Variants in RBM20 observed in about 807,000 individuals in gnomAD.
RBM20 encodes the protein RNA binding motif protein 20.
In RBM20, 51 loss-of-function variants were observed where a neutral mutation model predicts 110.1. The ratio of observed to expected loss-of-function variants is 0.46; its 90% CI spans 0.37 to 0.59. RBM20 has a LOEUF of 0.59. Ranked by LOEUF, RBM20 falls within the 20% of genes least tolerant of loss-of-function variation. The pLI, the probability that RBM20 is intolerant of heterozygous loss-of-function variation, is 0.00. For synonymous variants in RBM20, 589 were observed against 618.2 expected (o/e 0.95, Z 0.70); for missense variants, 1,512 against 1,574.9 (o/e 0.96, Z 0.68).
intron 7 of RBM20, among the ~76,000 whole-genome samples, chr10:110,800,717 A>G (rs758212643): frequency 1.1e-4 from 17 of 152,142 alleles, no homozygotes; most frequent in Non-Finnish European, 2.9e-5. Flanking sequence ...TTATAGTTCT[A>G]TCACCTGTAT....
At chr10:110,774,949 C>T (rs1844241965) in intron 1 of RBM20, among the ~76,000 whole-genome samples, 1 of 152,062 alleles carries the variant, frequency 6.6e-6, no homozygotes, top group Admixed American at 6.5e-5. Flanking sequence ...AAAAGAAATT[C>T]CCACCAAAAT....
chr10:110,665,248 T>G (rs1422899223), intron 1 of RBM20, among the ~76,000 whole-genome samples: 2 of 152,148 alleles, frequency 1.3e-5, no homozygotes, highest in Non-Finnish European at 2.9e-5. Flanking sequence ...CAACCCCTGG[T>G]GAATAATGAG....
intron 1 of RBM20, among the ~76,000 whole-genome samples, chr10:110,764,321 A>G (rs1465079574): frequency 6.6e-6 from 1 of 152,190 alleles, no homozygotes; most frequent in Admixed American, 6.5e-5. Flanking sequence ...CACAGCAGCA[A>G]CAACAAAAAA....
chr10:110,830,862 G>A (rs936367858), intron 12 of RBM20, among the ~76,000 whole-genome samples, 199 bp from the exon 13 acceptor site: 1 of 152,166 alleles, frequency 6.6e-6, no homozygotes, highest in African/African-American at 2.4e-5. Flanking sequence ...ACCTGTGAAT[G>A]AAGTGGGTGT....
chr10:110,787,820 A>G (rs1054313179), intron 5 of RBM20, among the ~76,000 whole-genome samples: 1 of 150,524 alleles, frequency 6.6e-6, no homozygotes, highest in African/African-American at 2.4e-5. Flanking sequence ...GCGAGGAGCT[A>G]GGAGGGGACA....
chr10:110,770,270 CT>C (rs1482964892), intron 1 of RBM20, among the ~76,000 whole-genome samples: 1 of 152,150 alleles, frequency 6.6e-6, no homozygotes, highest in African/African-American at 2.4e-5. Flanking sequence ...GTTATTTCAC[CT>C]TGTCAGAAAC....
rs60697105 is a variant in RBM20, at chr10:110,809,218, T to TAAAAAAAAAAAAAAAAAA, written c.1801-1151_1801-1150insAAAAAAAAAAAAAAAAAA. Among the ~76,000 whole-genome samples, 102 of 60,642 alleles carry TAAAAAAAAAAAAAAAAAA rather than the reference T, an allele frequency of 1.7e-3. 6 individuals carry two copies. Among genetic ancestry groups the TAAAAAAAAAAAAAAAAAA allele is most frequent in the East Asian group, 4.0e-3 (5 of 1,244 alleles). 39.8% of individuals were successfully genotyped at this position (60,642 alleles called of 152,430 possible). ...AGTGACAGAGCAAGACCCCGTTTCT[T>TAAAAAAAAAAAAAAAAAA]AAAAAAAAAAAAAATTGCATGATTC... On this transcript the variant is annotated intron_variant, in intron 7 of 13. Coordinates refer to ENST00000369519, the MANE Select transcript of RBM20 (RefSeq NM_001134363.3).
In RBM20 at chr10:110,811,948, C is replaced by T. The variant is rs552342484; in HGVS notation, c.1881-330C>T. Reference sequence around the variant, plus strand: ...ACCCCCAGGAGGAGAGTCAGAGGTCCGCTCCCTGAGCATAGCTCCCTTCCA... The same window carrying T: ...ACCCCCAGGAGGAGAGTCAGAGGTCTGCTCCCTGAGCATAGCTCCCTTCCA... On this transcript the variant is annotated intron_variant, in intron 8 of 13. Transcript: ENST00000369519. Among the ~76,000 whole-genome samples, 26 of 152,318 alleles carry T rather than the reference C, an allele frequency of 1.7e-4. No homozygotes were observed. The East Asian group carries it at 1.9e-3, about 11-fold the overall frequency.
chr10:110,695,509 G>A (rs1862650234), intron 1 of RBM20, among the ~76,000 whole-genome samples: 1 of 152,220 alleles, frequency 6.6e-6, no homozygotes, highest in Non-Finnish European at 1.5e-5. Flanking sequence ...GACTCCAGGG[G>A]AAATGTGTCC....
At chr10:110,823,288 GGA>G (rs2135124993) in intron 11 of RBM20, among the ~76,000 whole-genome samples, 190 bp from the exon 12 acceptor site, 1 of 152,154 alleles carries the variant, frequency 6.6e-6, no homozygotes, top group Non-Finnish European at 1.5e-5. Context: ...TTTTGGCAGT[GGA>G]AAAAGCTCCT....
At chr10:110,693,429 A>G (rs1282810254) in intron 1 of RBM20, among the ~76,000 whole-genome samples, 1 of 152,164 alleles carries the variant, frequency 6.6e-6, no homozygotes, top group Non-Finnish European at 1.5e-5. Flanking sequence ...TTACTGATTC[A>G]ATCTCCTTAT....
At chr10:110,694,486 G>A (rs1230504750) in intron 1 of RBM20, among the ~76,000 whole-genome samples, 2 of 152,108 alleles carry the variant, frequency 1.3e-5, no homozygotes, top group African/African-American at 2.4e-5. Context: ...GCATGGCCTT[G>A]GAAACCTTCC....
At chr10:110,661,278 G>A (rs940990141) in intron 1 of RBM20, among the ~76,000 whole-genome samples, 3 of 152,168 alleles carry the variant, frequency 2.0e-5, no homozygotes, top group Admixed American at 2.0e-4. Context: ...CTGCTCCTGT[G>A]GGGTTCTTGG....
rs765544509 is a variant in RBM20 at position 110,812,759 on chromosome 10, G to A, written c.2362G>A (p.Ala788Thr). Reference protein sequence around the residue: ...APGRSRRKDEARLRESRHPHP... With the variant: ...APGRSRRKDETRLRESRHPHP... ...CGGGAGGTCCAGGAGGAAAGACGAG[G>A]CCAGGCTGCGGGAAAGCAGACACCC... Residue 788 changes from alanine (A) to threonine (T), a missense_variant, in exon 9 of 14, where the codon GCC (alanine) becomes ACC (threonine). Around this residue, in one of 3 missense-constraint regions of RBM20, gnomAD observed 1,149 missense variants for 1,169.4 expected, o/e 0.98. Transcript: ENST00000369519. 3 of 1,551,616 alleles carry A rather than the reference G, an allele frequency of 1.9e-6. No homozygotes were observed. Among genetic ancestry groups the A allele is most frequent in the African/African-American group, 1.4e-5 (1 of 73,048 alleles).
At chr10:110,649,153 A>AG (rs1181001250) in intron 1 of RBM20, among the ~76,000 whole-genome samples, 1 of 152,142 alleles carries the variant, frequency 6.6e-6, no homozygotes, top group Non-Finnish European at 1.5e-5. Flanking sequence ...AATAGTCACC[A>AG]GGGGGCAGAA....
intron 1 of RBM20, among the ~76,000 whole-genome samples, chr10:110,664,726 A>G (rs949879358): frequency 6.6e-6 from 1 of 152,146 alleles, no homozygotes; most frequent in Non-Finnish European, 1.5e-5. Flanking sequence ...TAGCCTGGGC[A>G]ACAGAGTGAG....
rs184588602 is a variant in RBM20 at position 110,647,427 on chromosome 10, A to T, written c.191+2782A>T. Among the ~76,000 whole-genome samples the T allele has an allele frequency of 1.9e-3, 290 of 152,308 alleles. 3 individuals carry two copies. The highest frequency in any genetic ancestry group is 8.3e-3 in the Admixed American group (127 of 15,306). ...TTTTCTGCTCTTGTTTACTGTAAAG[A>T]TTATCAGCCATGTATAGACACAGAT... On this transcript the variant is annotated intron_variant, in intron 1 of 13. Coordinates refer to ENST00000369519, the MANE Select transcript of RBM20 (RefSeq NM_001134363.3).
At chr10:110,817,754 G>A (rs1210609670) in intron 9 of RBM20, among the ~76,000 whole-genome samples, 1 of 152,208 alleles carries the variant, frequency 6.6e-6, no homozygotes, top group Non-Finnish European at 1.5e-5. Context: ...GGCACGGTGA[G>A]TATTGACTGG....
chr10:110,823,058 G>C (rs1844934767), intron 11 of RBM20, among the ~76,000 whole-genome samples: 1 of 152,062 alleles, frequency 6.6e-6, no homozygotes, highest in Non-Finnish European at 1.5e-5. Flanking sequence ...ATAACAGCTT[G>C]ACAAGCTTGG....
Sources: allele counts gnomAD v4.1 joint callset (sites outside exome capture counted in the v4.1 genomes callset), GRCh38; gene constraint gnomAD v4.1.1; regional missense constraint gnomAD v4.1.1; transcripts MANE v1.5; gene names NCBI Gene and HGNC (gene_info 2026-07-23, HGNC 2026-07-21).